DPH6: variants seen among roughly 807,000 people sequenced by gnomAD.
The protein encoded by DPH6 is diphthine--ammonia ligase.
DPH6 carries 33 observed loss-of-function variants against 38.2 expected under a neutral mutation model. That is an observed-to-expected ratio of 0.86 (90% CI 0.65 to 1.15). The LOEUF (loss-of-function observed/expected upper bound fraction) is 1.15. DPH6 is among the 50% of genes most tolerant of loss of function. DPH6 has a pLI of 0.00. For synonymous variants in DPH6, 108 were observed against 103.0 expected, an observed-to-expected ratio of 1.05 and a Z score of -0.30; for missense variants, 325 against 320.0, an observed-to-expected ratio of 1.02 and a Z score of -0.12.
chr15:35,433,281 AC>A (rs1453879635), intron 5 of DPH6, among the ~76,000 whole-genome samples: 1 of 152,234 alleles, frequency 6.6e-6, no homozygotes, highest in Non-Finnish European at 1.5e-5. Context: ...ATTGATATAC[AC>A]ACCAACAAGT....
At chr15:35,162,665 A>T in the DPH6 span, among the ~76,000 whole-genome samples, 1 of 151,676 alleles carries the variant, frequency 6.6e-6, no homozygotes, top group Non-Finnish European at 1.5e-5. Flanking sequence ...ACTTATAATA[A>T]TTTTTTTAAT....
At chr15:35,433,871 C>T (rs2053662090) in intron 5 of DPH6, among the ~76,000 whole-genome samples, 1 of 152,154 alleles carries the variant, frequency 6.6e-6, no homozygotes, top group African/African-American at 2.4e-5. Context: ...TGTGCAGCCA[C>T]AGTTGAAAAC....
intron 5 of DPH6, among the ~76,000 whole-genome samples, chr15:35,436,514 C>A (rs2339862): frequency 0.81 from 98,164 of 121,134 alleles, 41,120 homozygotes; most frequent in Non-Finnish European, 0.88. Flanking sequence ...CAAAACAAAA[C>A]AAAAAAGGTT....
chr15:35,313,207 T>G (rs560880552), intron 3 of DPH6, among the ~76,000 whole-genome samples: 9 of 152,152 alleles, frequency 5.9e-5, no homozygotes, highest in African/African-American at 1.9e-4. Context: ...CACTCCAGTA[T>G]GGGCTACAGA....
the DPH6 span, among the ~76,000 whole-genome samples, chr15:35,209,049 A>C: frequency 6.6e-6 from 1 of 152,146 alleles, no homozygotes; most frequent in Non-Finnish European, 1.5e-5. Context: ...AATAGTTTTC[A>C]TGCTACTGTG....
At chr15:35,232,982 C>T (rs575552500) in intron 3 of DPH6, among the ~76,000 whole-genome samples, 7 of 152,134 alleles carry the variant, frequency 4.6e-5, no homozygotes, top group African/African-American at 7.2e-5. Context: ...ATAAAGTATA[C>T]ACCCATCAAT....
At chr15:35,477,229 CATT>C (rs1392304659) in intron 3 of DPH6, among the ~76,000 whole-genome samples, 2 of 151,738 alleles carry the variant, frequency 1.3e-5, no homozygotes, top group African/African-American at 4.8e-5. Flanking sequence ...CAAAGTATAA[CATT>C]ATCTGAATTA....
chr15:35,320,826 T>C (rs1431948447), intron 3 of DPH6, among the ~76,000 whole-genome samples: 1 of 152,178 alleles, frequency 6.6e-6, no homozygotes, highest in Non-Finnish European at 1.5e-5. Context: ...ATTTCTTCTG[T>C]CATTTCAATG....
intron 6 of DPH6, chr15:35,401,108 T>C: frequency 1.1e-6 from 1 of 911,212 alleles, no homozygotes. Context: ...TTTGTAACCT[T>C]TGATGACCAT....
intron 3 of DPH6, among the ~76,000 whole-genome samples, chr15:35,503,812 G>A (rs914916180): frequency 5.3e-5 from 8 of 152,066 alleles, no homozygotes. Flanking sequence ...CCATTTTATA[G>A]AAGAGGAAAC....
intron 3 of DPH6, among the ~76,000 whole-genome samples, chr15:35,514,790 T>C (rs2054822588): frequency 2.0e-5 from 3 of 152,210 alleles, no homozygotes; most frequent in Admixed American, 1.3e-4. Flanking sequence ...ATCAAAATTA[T>C]AAGCTAAGTG....
intron 8 of DPH6, among the ~76,000 whole-genome samples, chr15:35,372,936 A>T (rs1219441971): frequency 6.6e-6 from 1 of 151,972 alleles, no homozygotes; most frequent in Non-Finnish European, 1.5e-5. Flanking sequence ...ATAAAGCAAC[A>T]TCTGAAGGAT....
intron 6 of DPH6, among the ~76,000 whole-genome samples, chr15:35,395,876 A>G (rs1320709039): frequency 1.3e-5 from 2 of 152,220 alleles, no homozygotes; most frequent in Non-Finnish European, 1.5e-5. Flanking sequence ...CCTTACACAT[A>G]GCAGTTAGCA....
intron 3 of DPH6, among the ~76,000 whole-genome samples, chr15:35,461,343 G>T (rs949763626): frequency 6.6e-6 from 1 of 152,174 alleles, no homozygotes; most frequent in African/African-American, 2.4e-5. Context: ...AAAGTGCTGG[G>T]ATTACAGGCA....
chr15:35,516,810 G>A (rs867462012), intron 3 of DPH6, among the ~76,000 whole-genome samples: 8 of 152,130 alleles, frequency 5.3e-5, no homozygotes, highest in Non-Finnish European at 7.4e-5. Flanking sequence ...GCATGGAGCT[G>A]ATTCTAATAT....
intron 3 of DPH6, among the ~76,000 whole-genome samples, chr15:35,251,778 A>G (rs79365201): frequency 0.011 from 1,708 of 152,324 alleles, 36 homozygotes; most frequent in African/African-American, 0.04. Context: ...AGTAAACGCA[A>G]AGTGAATGAA....
At chr15:35,486,532 A>T (rs562061839) in intron 3 of DPH6, among the ~76,000 whole-genome samples, 1 of 150,228 alleles carries the variant, frequency 6.7e-6, no homozygotes, top group Non-Finnish European at 1.5e-5. Context: ...ATCAGATCTC[A>T]AGAGAACTCA....
At chr15:35,207,097 A>G in the DPH6 span, among the ~76,000 whole-genome samples, 1 of 139,540 alleles carries the variant, frequency 7.2e-6, no homozygotes, top group Admixed American at 7.9e-5. Flanking sequence ...CCCAGGCTAG[A>G]ATGCAGAGGT....
At chr15:35,333,272 C>T (rs1490933785) in intron 3 of DPH6, among the ~76,000 whole-genome samples, 1 of 152,094 alleles carries the variant, frequency 6.6e-6, no homozygotes, top group Non-Finnish European at 1.5e-5. Context: ...AGAAGTCACA[C>T]AGCAATGATA....
Sources: allele counts gnomAD v4.1 joint callset (sites outside exome capture counted in the v4.1 genomes callset), GRCh38; gene constraint gnomAD v4.1.1; transcripts MANE v1.5; gene names NCBI Gene and HGNC (gene_info 2026-07-23, HGNC 2026-07-21).